Variants in ANAPC1 observed in about 807,000 individuals in gnomAD.
ANAPC1 encodes anaphase-promoting complex subunit 1.
ANAPC1 carries 36 observed loss-of-function variants against 208.0 expected under a neutral mutation model. The observed-to-expected ratio is 0.17, with a 90% confidence interval of 0.13 to 0.23. The LOEUF (loss-of-function observed/expected upper bound fraction) is 0.23, where lower values mean the gene tolerates loss of function less well. ANAPC1 is among the 10% of genes least tolerant of loss of function. The probability of loss-of-function intolerance (pLI) is 1.00; values close to 1 mark genes in which losing one functional copy is unlikely to be tolerated. For missense variants in ANAPC1, 942 were observed against 2,011.6 expected (o/e 0.47, Z 10.17); for synonymous variants, 378 against 695.2 (o/e 0.54, Z 7.18).
chr2:111,766,956 G>A (rs752045293), downstream of ANAPC1: 11 of 470,632 alleles, frequency 2.3e-5, no homozygotes, highest in Non-Finnish European at 4.8e-5. Context: ...AGGTTCTGTA[G>A]GGTTTCAACC....
intron 6 of ANAPC1, among the ~76,000 whole-genome samples, chr2:111,868,586 A>C (rs1682562213): frequency 6.6e-6 from 1 of 152,190 alleles, no homozygotes; most frequent in African/African-American, 2.4e-5. Context: ...GCTAGAGTGC[A>C]GGGGCATCAT....
rs71258290 is a variant in ANAPC1, at chr2:111,821,217, T to G, written c.3206+22A>C. 160 of 1,588,366 alleles carry G rather than the reference T, an allele frequency of 1.0e-4. 1 individual carries two copies. The African/African-American group carries it at 1.9e-3, about 19-fold the overall frequency. On this transcript the variant is annotated intron_variant, in intron 26 of 47. Transcript: ENST00000341068. ...TGTAACAATGAAACATGACAAGAGA[T>G]AGTGCACGTGTTTTCTTTCACCTGT...
At chr2:111,823,697 C>T (rs1201699433) in intron 24 of ANAPC1, among the ~76,000 whole-genome samples, 1 of 152,060 alleles carries the variant, frequency 6.6e-6, no homozygotes, top group Admixed American at 6.5e-5. Context: ...CACATATTTA[C>T]ATCTATATAT....
Position 111,792,505 on chromosome 2 carries a change from G to C in ANAPC1, c.4569C>G (p.Leu1523=). 6.2e-7 allele frequency: 1 copy of C among 1,613,956 alleles called. No individual in the cohort carries two copies. The highest frequency in any genetic ancestry group is 1.7e-4 in the Middle Eastern group (1 of 6,056). Residue 1523 remains leucine, a synonymous_variant, in exon 38 of 48, where the codon CTC becomes CTG. Coordinates refer to ENST00000341068, the MANE Select transcript of ANAPC1 (RefSeq NM_022662.4). ...TTCCTGAGCCAGCCATGACCATGGC[G>C]AGAGACAGCAGCACCACGCTCAGAC... ...ETCLSVVLLS[L]AMVMAGSGNL...
intron 17 of ANAPC1, among the ~76,000 whole-genome samples, chr2:111,838,855 A>G (rs1680613812): frequency 6.6e-6 from 1 of 152,226 alleles, no homozygotes; most frequent in Non-Finnish European, 1.5e-5. Flanking sequence ...ACAATATACC[A>G]AGTCTCAAAG....
intron 21 of ANAPC1, among the ~76,000 whole-genome samples, chr2:111,830,069 C>CAAAAAT (rs547818187): frequency 4.7e-5 from 7 of 150,286 alleles, no homozygotes; most frequent in Non-Finnish European, 1.0e-4. Context: ...GACTCTGTCT[C>CAAAAAT]AAAAATAAAA....
chr2:111,879,506 GAT>G (rs1451210199), intron 2 of ANAPC1, among the ~76,000 whole-genome samples: 5 of 152,192 alleles, frequency 3.3e-5, no homozygotes, highest in African/African-American at 1.2e-4. Context: ...ATCCCAAAGG[GAT>G]ATGACAATGG....
In ANAPC1 at chr2:111,880,784, T is replaced by G. The variant is rs13006560; in HGVS notation, c.42A>C (p.Ala14=). Residue 14 remains alanine, a synonymous_variant, in exon 2 of 48, where the codon GCA becomes GCC. Transcript: ENST00000341068. ...FYEERTTMIA[A]RDLQEFVPFG... is the part of the protein sequence containing the mutation. ...AAGGAACAAATTCCTGCAAATCCCT[T>G]GCTGCAATCATCGTTGTCCTTTCTT... The G allele has an allele frequency of 6.6e-4, 1,067 of 1,613,706 alleles. 8 individuals carry two copies. The highest frequency in any genetic ancestry group is 5.2e-3 in the South Asian group (470 of 91,034).
chr2:111,856,770 C>G (rs1453188721), intron 12 of ANAPC1, 26 bp downstream of exon 12: 1 of 1,613,552 alleles, frequency 6.2e-7, no homozygotes, highest in Non-Finnish European at 8.5e-7. Flanking sequence ...GCGTAATTGT[C>G]AACTTCTCAA....
At chr2:111,778,040 T>C (rs1380019205) in intron 45 of ANAPC1, among the ~76,000 whole-genome samples, 1 of 152,284 alleles carries the variant, frequency 6.6e-6, no homozygotes, top group Non-Finnish European at 1.5e-5. Flanking sequence ...ACTACTGGCT[T>C]GGCTTAACTC....
At chr2:111,843,903 C>T (rs983423360) in intron 16 of ANAPC1, among the ~76,000 whole-genome samples, 1 of 143,582 alleles carries the variant, frequency 7.0e-6, no homozygotes, top group Non-Finnish European at 1.5e-5. Context: ...TGGCACACTG[C>T]AACTTCTGCC....
At chr2:111,864,541 G>A (rs368192543) in intron 8 of ANAPC1, among the ~76,000 whole-genome samples, 5 of 137,820 alleles carry the variant, frequency 3.6e-5, no homozygotes, top group South Asian at 2.4e-4. Flanking sequence ...CTTGGCTCAC[G>A]GCAACCTACA....
chr2:111,771,378 A>AT (rs1362043407), intron 47 of ANAPC1, among the ~76,000 whole-genome samples: 1 of 152,194 alleles, frequency 6.6e-6, no homozygotes, highest in Non-Finnish European at 1.5e-5. Flanking sequence ...AGTCTGAGTT[A>AT]TGATTTCTAT....
chr2:111,794,453 TCAG>T, intron 35 of ANAPC1, 130 bp from the exon 36 acceptor site: 2 of 686,128 alleles, frequency 2.9e-6, no homozygotes. Context: ...GTGCCCTCAG[TCAG>T]CAGATTTCTA....
At chr2:111,843,057 A>G (rs1339616527) in intron 17 of ANAPC1, among the ~76,000 whole-genome samples, 4 of 152,240 alleles carry the variant, frequency 2.6e-5, no homozygotes, top group Non-Finnish European at 4.4e-5. Flanking sequence ...CAGTCTAGTC[A>G]TAGTTGTTAA....
intron 34 of ANAPC1, among the ~76,000 whole-genome samples, chr2:111,800,412 A>C (rs984364207): frequency 2.2e-5 from 3 of 135,510 alleles, no homozygotes; most frequent in African/African-American, 8.6e-5. Flanking sequence ...AAAGTAATTA[A>C]AAGTTATTAG....
Position 111,853,316 on chromosome 2 carries a change from G to A in ANAPC1, c.1516-2406C>T, listed in dbSNP as rs191928370. Among the ~76,000 whole-genome samples the A allele has an allele frequency of 5.0e-3, 756 of 152,286 alleles. 13 individuals carry two copies. Among genetic ancestry groups the A allele is most frequent in the African/African-American group, 0.017 (714 of 41,562 alleles). On this transcript the variant is annotated intron_variant, in intron 13 of 47. Coordinates refer to ENST00000341068, the MANE Select transcript of ANAPC1 (RefSeq NM_022662.4). Reference sequence around the variant, plus strand: ...CCGCTAGTCTCTGTTATTTGTGTTAGACCATTGTATTTAATTAGTGGCCTA... The same window carrying A: ...CCGCTAGTCTCTGTTATTTGTGTTAAACCATTGTATTTAATTAGTGGCCTA...
At chr2:111,801,358 T>TA (rs752955666) in intron 33 of ANAPC1, among the ~76,000 whole-genome samples, 21,824 of 124,740 alleles carry the variant, frequency 0.17, 1,706 homozygotes, top group African/African-American at 0.2. Flanking sequence ...CTCCATCTCA[T>TA]AAAAAAAAAA....
Position 111,879,875 on chromosome 2 carries a change from GA to G in ANAPC1, c.213+737del, listed in dbSNP as rs1333149249. On this transcript the variant is annotated intron_variant, in intron 2 of 47. Coordinates refer to ENST00000341068, the MANE Select transcript of ANAPC1 (RefSeq NM_022662.4). The stretch of plus-strand genomic sequence containing the variant: ...CAACAAAAGTGAAACTCCGTCTCAG[GA>G]AAAAAAAAAAGCTATTACTCTACCT... Among the ~76,000 whole-genome samples, 73 of 143,848 alleles carry G rather than the reference GA, an allele frequency of 5.1e-4. 1 individual carries two copies. Among genetic ancestry groups the G allele is most frequent in the African/African-American group, 1.0e-3 (40 of 39,260 alleles). 94.4% of individuals were successfully genotyped at this position (143,848 alleles called of 152,430 possible).
Sources: gnomAD v4.1 joint callset for allele counts (sites outside exome capture counted in the v4.1 genomes callset) on GRCh38, gnomAD v4.1.1 for gene constraint, MANE v1.5 for transcripts, NCBI Gene and HGNC (gene_info 2026-07-23, HGNC 2026-07-21) for gene names.